ZRANB1: variants seen among roughly 807,000 people sequenced by gnomAD.
ZRANB1 encodes the protein ubiquitin thioesterase ZRANB1.
ZRANB1 carries 16 observed loss-of-function variants against 80.5 expected under a neutral mutation model. That is an observed-to-expected ratio of 0.20 (90% CI 0.13 to 0.30). ZRANB1 has a LOEUF of 0.30. ZRANB1 is among the 10% of genes least tolerant of loss of function. The pLI is 1.00. For missense variants in ZRANB1, 576 were observed against 862.6 expected (o/e 0.67, Z 4.16); for synonymous variants, 291 against 293.1 (o/e 0.99, Z 0.07).
intron 5 of ZRANB1, among the ~76,000 whole-genome samples, chr10:124,979,022 G>C (rs1424830426): frequency 6.6e-6 from 1 of 151,928 alleles, no homozygotes; most frequent in Non-Finnish European, 1.5e-5. Flanking sequence ...AACATAATGA[G>C]ACCCTGTCTG....
intron 1 of ZRANB1, among the ~76,000 whole-genome samples, chr10:124,951,385 A>G (rs1951637591): frequency 2.0e-5 from 3 of 152,326 alleles, no homozygotes; most frequent in Middle Eastern, 3.4e-3. Flanking sequence ...TTGAACTGGA[A>G]TGATTTTAAA....
upstream of ZRANB1, among the ~76,000 whole-genome samples, chr10:124,939,658 T>C (rs1367697858): frequency 6.6e-6 from 1 of 152,222 alleles, no homozygotes; most frequent in Non-Finnish European, 1.5e-5. Flanking sequence ...AAAAGATATA[T>C]TGAAATTACT....
chr10:124,953,963 CTTTCT>C (rs1315126503), intron 1 of ZRANB1, among the ~76,000 whole-genome samples: 1 of 146,852 alleles, frequency 6.8e-6, no homozygotes, highest in African/African-American at 2.5e-5. Context: ...TTTCTTTTCT[CTTTCT>C]TTTCTTTTTT....
At chr10:124,969,042 G>T (rs78955505) in intron 2 of ZRANB1, among the ~76,000 whole-genome samples, 272 of 152,260 alleles carry the variant, frequency 1.8e-3, no homozygotes, top group African/African-American at 6.1e-3. Context: ...TAGAGTATCT[G>T]TTCCTAAGCC....
intron 5 of ZRANB1, among the ~76,000 whole-genome samples, chr10:124,976,226 G>A (rs944734481): frequency 6.6e-6 from 1 of 152,170 alleles, no homozygotes; most frequent in African/African-American, 2.4e-5. Flanking sequence ...GGTTCATCGG[G>A]CTGGGTAAGC....
chr10:124,942,585 G>C lies in ZRANB1; in HGVS notation c.92G>C (p.Arg31Thr). Residue 31 changes from arginine (R) to threonine (T), a missense_variant, in exon 1 of 9, where the codon AGA becomes ACA. Physicochemically the swap from Arg to Thr is moderately conservative, Grantham distance 71. Transcript: ENST00000359653. ...AIKCTMCRAQRPSGTIITEDP... is the reference protein window; with the variant it reads ...AIKCTMCRAQTPSGTIITEDP... ...AAGTGTACTATGTGTCGTGCCCAAA[G>C]ACCTAGTGGAACAATTATTACAGAA... is the stretch of plus-strand genomic sequence containing the variant. The C allele has an allele frequency of 6.2e-7, 1 of 1,614,186 alleles. No homozygotes were observed. Among genetic ancestry groups the C allele is most frequent in the Non-Finnish European group, 8.5e-7 (1 of 1,180,022 alleles).
At chr10:124,940,417 G>A, upstream of ZRANB1, 1 of 971,090 alleles carries the variant, frequency 1.0e-6, no homozygotes. Context: ...ACGTTTTGCA[G>A]TATCTCCTGA....
chr10:124,981,556 C>T, intron 5 of ZRANB1, 153 bp from the exon 6 acceptor site: 1 of 677,240 alleles, frequency 1.5e-6, no homozygotes, highest in Non-Finnish European at 2.3e-6. Flanking sequence ...AGGCATTTTT[C>T]ATTAGAAAAA....
intron 2 of ZRANB1, among the ~76,000 whole-genome samples, chr10:124,968,295 A>G (rs1951792910): frequency 6.6e-6 from 1 of 152,320 alleles, no homozygotes; most frequent in East Asian, 1.9e-4. Context: ...TTTCATATAT[A>G]CTTTTGCATA....
At chr10:124,963,919 T>C (rs1273072166) in intron 1 of ZRANB1, among the ~76,000 whole-genome samples, 1 of 152,234 alleles carries the variant, frequency 6.6e-6, no homozygotes, top group Admixed American at 6.5e-5. Context: ...TTAGATATTA[T>C]TTTTTACCTA....
At position 124,968,778 on chromosome 10, in the gene ZRANB1, C is replaced by T. The variant is rs1014834007; in HGVS notation, c.1002+1997C>T. ...AGATTATTACAAGGTTTTAGAGGGG[C>T]CATTGTGAGTCATTGAGCTCCTGAG... On this transcript the variant is annotated intron_variant, in intron 2 of 8. Coordinates refer to ENST00000359653, the MANE Select transcript of ZRANB1 (RefSeq NM_017580.3). 5.9e-5 allele frequency among the ~76,000 whole-genome samples: 9 copies of T among 152,222 alleles called. No homozygotes were observed. In the East Asian group the frequency reaches 9.7e-4, roughly 16 times the overall value.
the ZRANB1 span, among the ~76,000 whole-genome samples, chr10:124,924,568 G>A: frequency 6.6e-6 from 1 of 152,118 alleles, no homozygotes; most frequent in Non-Finnish European, 1.5e-5. Context: ...AAATGGAATT[G>A]TACAATATAT....
At chr10:124,917,097 G>C in the ZRANB1 span, 1 of 153,312 alleles carries the variant, frequency 6.5e-6, no homozygotes, top group East Asian at 1.9e-4. Context: ...GGAGGCGGCA[G>C]CAGCGGGGCG....
At position 124,966,746 on chromosome 10, in the gene ZRANB1, C is replaced by T; in HGVS notation, c.967C>T (p.Gln323Ter). ...YTLVHLAIRFQRQDMLAILLT... is the reference protein window; with the variant it reads ...YTLVHLAIRF ...TCTTGTACACTTGGCTATACGTTTT[C>T]AGAGGCAGGATATGCTAGCAATATT... The change falls in exon 2 of 9, where the codon CAG (glutamine) becomes TAG (stop). Residue 323 changes from glutamine to a stop codon, truncating the protein, a stop_gained. Transcript: ENST00000359653. LOFTEE classifies it high-confidence loss of function. 1 of 1,614,094 alleles carries T rather than the reference C, an allele frequency of 6.2e-7. No individual in the cohort carries two copies. The highest frequency in any genetic ancestry group is 8.5e-7 in the Non-Finnish European group (1 of 1,179,990).
the ZRANB1 span, among the ~76,000 whole-genome samples, chr10:124,932,555 T>C: frequency 6.6e-6 from 1 of 151,750 alleles, no homozygotes; most frequent in East Asian, 1.9e-4. Context: ...CCTCCCAGAG[T>C]GCTGGGATTA....
rs186893086 is a variant in ZRANB1, at chr10:124,951,033, C to T, written c.814+7726C>T. On this transcript the variant is annotated intron_variant, in intron 1 of 8. Coordinates refer to ENST00000359653, the MANE Select transcript of ZRANB1 (RefSeq NM_017580.3). ...TTGTCCATTTGGTTTTACTTACACACCTTGTTTAAAAAAAAAAATAGCAAA... is the reference window on the plus strand; with the variant it reads ...TTGTCCATTTGGTTTTACTTACACATCTTGTTTAAAAAAAAAAATAGCAAA... Among the ~76,000 whole-genome samples, 429 of 147,510 alleles carry T rather than the reference C, an allele frequency of 2.9e-3. 3 individuals carry two copies. Among genetic ancestry groups the T allele is most frequent in the African/African-American group, 0.011 (415 of 39,236 alleles).
At chr10:124,942,115 A>T (rs1002813160), upstream of ZRANB1, 2 of 1,042,716 alleles carry the variant, frequency 1.9e-6, no homozygotes, top group African/African-American at 3.4e-5. Context: ...TTACTTTTCT[A>T]AATTGATGTG....
chr10:124,936,011 A>G, the ZRANB1 span, among the ~76,000 whole-genome samples: 1 of 152,224 alleles, frequency 6.6e-6, no homozygotes, highest in Non-Finnish European at 1.5e-5. Flanking sequence ...TGAAAACTTC[A>G]TGAAGATGAG....
intron 1 of ZRANB1, chr10:124,945,340 CTG>C (rs2134245494): frequency 6.7e-6 from 1 of 150,228 alleles, no homozygotes; most frequent in Admixed American, 6.7e-5. Context: ...CTTTACATAT[CTG>C]TGAGCTTTTA....
Sources: allele counts gnomAD v4.1 joint callset (sites outside exome capture counted in the v4.1 genomes callset), GRCh38; gene constraint gnomAD v4.1.1; transcripts MANE v1.5; gene names NCBI Gene and HGNC (gene_info 2026-07-23, HGNC 2026-07-21).